The following TG variants were observed in gnomAD, a reference collection of about 807,000 sequenced individuals.
TG encodes the protein thyroglobulin.
TG carries 270 observed loss-of-function variants against 324.7 expected under a neutral mutation model. The ratio of observed to expected loss-of-function variants is 0.83; its 90% CI spans 0.75 to 0.92. The LOEUF (loss-of-function observed/expected upper bound fraction) is 0.92, where lower values mean the gene tolerates loss of function less well. Ranked by LOEUF, TG falls within the 40% of genes least tolerant of loss-of-function variation. The probability of loss-of-function intolerance (pLI) is 0.00; values close to 1 mark genes in which losing one functional copy is unlikely to be tolerated. For missense variants in TG, 3,591 were observed against 3,456.4 expected (o/e 1.04, Z -0.98); for synonymous variants, 1,401 against 1,327.0 (o/e 1.06, Z -1.21).
chr8:133,126,792 TAAAA>T (rs544308750), intron 45 of TG, among the ~76,000 whole-genome samples: 1 of 144,482 alleles, frequency 6.9e-6, no homozygotes, highest in East Asian at 2.0e-4. Context: ...CCTCAGCTTC[TAAAA>T]AAAAAAACAA....
At chr8:133,008,419 T>A (rs1486020824) in intron 35 of TG, among the ~76,000 whole-genome samples, 2 of 152,134 alleles carry the variant, frequency 1.3e-5, no homozygotes, top group Non-Finnish European at 2.9e-5. Context: ...CACGATGCGA[T>A]AAGCATGCAT....
chr8:133,113,918 G>A lies in TG; in HGVS notation c.7754+315G>A, dbSNP rs180880183. Among the ~76,000 whole-genome samples the A allele has an allele frequency of 9.8e-5, 15 of 152,318 alleles. No individual in the cohort carries two copies. In the East Asian group the frequency reaches 2.9e-3, roughly 29 times the overall value. ...CACTTGCCAGAAGTGCCTGGTGCAC[G>A]CTCCACCTGAAGCAGCCGCTCAGCA... On this transcript the variant is annotated intron_variant, in intron 44 of 47. Transcript: ENST00000220616.
chr8:132,915,200 C>T (rs1820116824), intron 20 of TG, among the ~76,000 whole-genome samples: 1 of 152,072 alleles, frequency 6.6e-6, no homozygotes, highest in African/African-American at 2.4e-5. Flanking sequence ...GGAAGCAGCC[C>T]CAGGAGGCTC....
chr8:133,073,508 C>T (rs1844389277), intron 41 of TG, among the ~76,000 whole-genome samples: 1 of 152,058 alleles, frequency 6.6e-6, no homozygotes, highest in Non-Finnish European at 1.5e-5. Context: ...ATTACAGGCA[C>T]CCGCCACCAA....
chr8:132,986,909 T>C (rs940373833), intron 35 of TG, among the ~76,000 whole-genome samples: 1 of 152,232 alleles, frequency 6.6e-6, no homozygotes, highest in Non-Finnish European at 1.5e-5. Flanking sequence ...TAAAAAATTA[T>C]TTATTAAATT....
At chr8:133,077,621 C>G (rs1029539258) in intron 41 of TG, among the ~76,000 whole-genome samples, 1 of 152,182 alleles carries the variant, frequency 6.6e-6, no homozygotes, top group Non-Finnish European at 1.5e-5. Flanking sequence ...GGCTGAAGCC[C>G]GATGCCACGC....
At chr8:132,885,138 G>GA (rs140389621) in intron 8 of TG, among the ~76,000 whole-genome samples, 1 of 151,210 alleles carries the variant, frequency 6.6e-6, no homozygotes. Flanking sequence ...TTGGGGGGGG[G>GA]GCGTGGTGGT....
chr8:132,934,709 CT>C (rs1823308247), intron 24 of TG, among the ~76,000 whole-genome samples: 10 of 152,210 alleles, frequency 6.6e-5, no homozygotes, highest in Admixed American at 6.5e-4. Flanking sequence ...GCTGTAGCCC[CT>C]GTCCTCCAAA....
intron 43 of TG, among the ~76,000 whole-genome samples, chr8:133,098,528 A>G (rs1376881349): frequency 6.6e-6 from 1 of 152,176 alleles, no homozygotes; most frequent in African/African-American, 2.4e-5. Flanking sequence ...GGGATGCAAA[A>G]TCTCTGTGCA....
chr8:132,891,059 A>G (rs1230378272), intron 10 of TG, among the ~76,000 whole-genome samples: 1 of 152,212 alleles, frequency 6.6e-6, no homozygotes, highest in Non-Finnish European at 1.5e-5. Flanking sequence ...CAATGGTGGA[A>G]CAGAGGTATG....
intron 41 of TG, chr8:133,039,980 TA>T: frequency 1.3e-6 from 1 of 796,814 alleles, no homozygotes; most frequent in East Asian, 9.5e-5. Context: ...CACACACACA[TA>T]CACACACCAT....
intron 33 of TG, 162 bp from the exon 34 acceptor site, chr8:132,972,436 A>C (rs1184269092): frequency 7.8e-6 from 6 of 770,886 alleles, no homozygotes; most frequent in Admixed American, 2.7e-5. Context: ...GAGTTCAGGT[A>C]CCAGGTTTTT....
At chr8:132,914,250 T>C (rs1819967854) in intron 20 of TG, among the ~76,000 whole-genome samples, 1 of 152,248 alleles carries the variant, frequency 6.6e-6, no homozygotes, top group Non-Finnish European at 1.5e-5. Flanking sequence ...ACCTTTGTCA[T>C]GTCTACCACT....
intron 28 of TG, among the ~76,000 whole-genome samples, chr8:132,961,367 T>C (rs911461358): frequency 2.0e-5 from 3 of 152,088 alleles, no homozygotes; most frequent in African/African-American, 7.2e-5. Flanking sequence ...GGAGGGGAGT[T>C]CAGGGCCATT....
intron 27 of TG, among the ~76,000 whole-genome samples, chr8:132,960,756 T>C (rs1827627468): frequency 6.6e-6 from 1 of 152,182 alleles, no homozygotes; most frequent in Non-Finnish European, 1.5e-5. Context: ...TCCCGAGTCA[T>C]AGGTTCACAA....
At chr8:133,042,689 T>C (rs1235006791) in intron 41 of TG, among the ~76,000 whole-genome samples, 10 of 121,960 alleles carry the variant, frequency 8.2e-5, no homozygotes, top group Admixed American at 4.9e-4. Flanking sequence ...TTTTTTTTTT[T>C]TTTTTTTTTT....
intron 43 of TG, among the ~76,000 whole-genome samples, chr8:133,098,774 G>A (rs79284552): frequency 2.0e-3 from 309 of 152,284 alleles, no homozygotes; most frequent in African/African-American, 7.2e-3. Flanking sequence ...GGTTGTTCTT[G>A]TTGGCAGATC....
intron 22 of TG, among the ~76,000 whole-genome samples, chr8:132,928,111 A>C (rs1410194138): frequency 6.6e-6 from 1 of 152,216 alleles, no homozygotes; most frequent in African/African-American, 2.4e-5. Context: ...CCCAATCCCA[A>C]AAGGAATAAA....
rs565013490 is a variant in TG, at chr8:132,875,245, T to C, written c.638+2024T>C. On this transcript the variant is annotated intron_variant, in intron 5 of 47. Coordinates refer to ENST00000220616, the MANE Select transcript of TG (RefSeq NM_003235.5). ...AGAATTTCCCCCTCCAGGCCTGGCC[T>C]GCCTGAGAGCAAGTATAAATCTCAA... 3.9e-4 allele frequency among the ~76,000 whole-genome samples: 59 copies of C among 152,342 alleles called. No homozygotes were observed. The South Asian group carries it at 0.012, about 32-fold the overall frequency.
Sources: allele counts gnomAD v4.1 joint callset (sites outside exome capture counted in the v4.1 genomes callset), GRCh38; gene constraint gnomAD v4.1.1; transcripts MANE v1.5; gene names NCBI Gene and HGNC (gene_info 2026-07-23, HGNC 2026-07-21).